The following INTS9 variants were observed in gnomAD, a reference collection of about 807,000 sequenced individuals.
The protein encoded by INTS9 is protein related to CPSF subunits of 74 kDa.
INTS9 carries 55 observed loss-of-function variants against 79.7 expected under a neutral mutation model. That is an observed-to-expected ratio of 0.69 (90% confidence interval 0.56 to 0.86). INTS9 has a LOEUF of 0.86. INTS9 is among the 40% of genes least tolerant of loss of function. INTS9 has a pLI of 0.00. For missense variants in INTS9, 721 were observed against 831.5 expected (o/e 0.87, Z 1.64); for synonymous variants, 319 against 325.2 (o/e 0.98, Z 0.20).
At chr8:28,813,256 G>A (rs940380837) in intron 7 of INTS9, among the ~76,000 whole-genome samples, 3 of 152,100 alleles carry the variant, frequency 2.0e-5, no homozygotes, top group Non-Finnish European at 1.5e-5. Flanking sequence ...AGGATGAGAC[G>A]CCTTTCTCCG....
chr8:28,785,468 C>G (rs1412860346), intron 11 of INTS9, among the ~76,000 whole-genome samples: 1 of 152,206 alleles, frequency 6.6e-6, no homozygotes, highest in Non-Finnish European at 1.5e-5. Context: ...AGTTACCTCA[C>G]TATGGATGCA....
chr8:28,816,832 T>A (rs1198127471), intron 6 of INTS9, among the ~76,000 whole-genome samples: 17 of 152,042 alleles, frequency 1.1e-4, no homozygotes, highest in African/African-American at 4.1e-4. Context: ...CCTGACTTTT[T>A]AATGATTGCC....
intron 1 of INTS9, among the ~76,000 whole-genome samples, chr8:28,861,877 G>C (rs1367579150): frequency 1.3e-5 from 2 of 152,378 alleles, no homozygotes; most frequent in African/African-American, 4.8e-5. Flanking sequence ...TCAGAGCACT[G>C]ACGAAAGGTG....
In INTS9 at chr8:28,781,004, A is replaced by G. The variant is rs771481068; in HGVS notation, c.1099-10T>C. 5 of 1,609,106 alleles carry G rather than the reference A, an allele frequency of 3.1e-6. No homozygotes were observed. The highest frequency in any genetic ancestry group is 1.1e-5 in the South Asian group (1 of 90,832). On this transcript the variant is annotated splice_polypyrimidine_tract_variant and intron_variant, in intron 11 of 16. Coordinates refer to ENST00000521022, the MANE Select transcript of INTS9 (RefSeq NM_018250.4). The stretch of plus-strand genomic sequence containing the variant: ...TATTGGTCTGAATGAGCTGGAAAAT[A>G]TAGAAAAAATACAAAGAAATGTGAG...
In INTS9 at chr8:28,770,974, C is replaced by G. The variant is rs553731347; in HGVS notation, c.1662+8G>C. 6.2e-7 allele frequency: 1 copy of G among 1,610,330 alleles called. No individual in the cohort carries two copies. The highest frequency in any genetic ancestry group is 1.3e-5 in the African/African-American group (1 of 74,946). On this transcript the variant is annotated splice_region_variant and intron_variant, in intron 15 of 16. Coordinates refer to ENST00000521022, the MANE Select transcript of INTS9 (RefSeq NM_018250.4). ...GGGTCCCCTGCACTCCCACCCAGCA[C>G]CCCCTACCTGAAGCAAGTGCTTGTT...
At chr8:28,866,050 T>C (rs1000036494) in intron 1 of INTS9, among the ~76,000 whole-genome samples, 26 of 152,192 alleles carry the variant, frequency 1.7e-4, no homozygotes, top group African/African-American at 6.3e-4. Flanking sequence ...ATTTAGCCAA[T>C]GGGTTAAATA....
At chr8:28,860,926 C>G (rs540164919) in intron 1 of INTS9, among the ~76,000 whole-genome samples, 1 of 152,182 alleles carries the variant, frequency 6.6e-6, no homozygotes, top group African/African-American at 2.4e-5. Context: ...ATGAATTTTC[C>G]ACTTTTCTCC....
rs200884133 is a variant in INTS9, at chr8:28,780,981, T to C, written c.1112A>G (p.Asn371Ser). ...GATGCTGGGGTAGTGCTTCAGCTTATTGGTCTGAATGAGCTGGAAAATATA... is the reference window on the plus strand; with the variant it reads ...GATGCTGGGGTAGTGCTTCAGCTTACTGGTCTGAATGAGCTGGAAAATATA... Reference protein sequence around the residue: ...PFPHAELIQTNKLKHYPSIHG... With the variant: ...PFPHAELIQTSKLKHYPSIHG... Residue 371 changes from asparagine to serine, a missense_variant, in exon 12 of 17, where the codon AAT (asparagine) becomes AGT (serine). By Grantham distance (46) the Asn-to-Ser change is conservative. Around this residue, in one of 3 missense-constraint regions of INTS9, gnomAD observed 149 missense variants for 223.7 expected, o/e 0.67. Transcript: ENST00000521022. 53 of 1,613,780 alleles carry C rather than the reference T, an allele frequency of 3.3e-5. No individual in the cohort carries two copies. In the East Asian group the frequency reaches 1.0e-3, roughly 31 times the overall value.
At chr8:28,854,150 G>A (rs1463716927) in intron 2 of INTS9, among the ~76,000 whole-genome samples, 4 of 152,164 alleles carry the variant, frequency 2.6e-5, no homozygotes, top group Non-Finnish European at 5.9e-5. Context: ...CCGAGCAGCT[G>A]GGACTACAGG....
chr8:28,794,995 A>G (rs966152923), intron 9 of INTS9, among the ~76,000 whole-genome samples: 34 of 152,364 alleles, frequency 2.2e-4, no homozygotes, highest in African/African-American at 8.2e-4. Flanking sequence ...TTATTTTTCT[A>G]AGGTACAAAT....
At chr8:28,847,452 C>T (rs1286127344) in intron 3 of INTS9, among the ~76,000 whole-genome samples, 3 of 151,912 alleles carry the variant, frequency 2.0e-5, no homozygotes, top group Non-Finnish European at 4.4e-5. Flanking sequence ...ACCACCACTA[C>T]CTCCACCACC....
intron 4 of INTS9, among the ~76,000 whole-genome samples, chr8:28,841,333 G>A (rs1337687343): frequency 6.6e-6 from 1 of 152,150 alleles, no homozygotes; most frequent in Non-Finnish European, 1.5e-5. Flanking sequence ...TTAAGACAGG[G>A]TAGCACAGTG....
chr8:28,796,720 GA>G, intron 8 of INTS9, 65 bp from the exon 9 acceptor site: 1 of 972,416 alleles, frequency 1.0e-6, no homozygotes, highest in Non-Finnish European at 1.7e-6. Context: ...AATAGTGAAA[GA>G]ATACGAGAAC....
intron 11 of INTS9, among the ~76,000 whole-genome samples, chr8:28,787,157 T>G (rs903827054): frequency 1.3e-5 from 2 of 150,208 alleles, no homozygotes; most frequent in African/African-American, 5.1e-5. Context: ...AAAACGTTCA[T>G]AATATACCCT....
intron 9 of INTS9, among the ~76,000 whole-genome samples, chr8:28,794,856 G>C (rs549061493): frequency 2.4e-4 from 37 of 152,100 alleles, no homozygotes; most frequent in Non-Finnish European, 1.9e-4. Flanking sequence ...AAGGGAATGC[G>C]GTTAGTGGAC....
chr8:28,788,023 A>G lies in INTS9; in HGVS notation c.1038-134T>C. The G allele has an allele frequency of 9.9e-6, 5 of 506,250 alleles. 1 individual carries two copies. In the South Asian group the frequency reaches 1.6e-4, roughly 16 times the overall value. 31.4% of individuals were successfully genotyped at this position (506,250 alleles called of 1,614,324 possible). A position where few individuals can be genotyped will look rare whatever the true frequency, so the allele number is the denominator to read the frequency against. On this transcript the variant is annotated intron_variant, in intron 10 of 16. Coordinates refer to ENST00000521022, the MANE Select transcript of INTS9 (RefSeq NM_018250.4). Reference sequence around the variant, plus strand: ...TTTCCCGCCAGTGAATTTCACTGTGAATGAAATCCAGTGCCTACAGAGAAG... The same window carrying G: ...TTTCCCGCCAGTGAATTTCACTGTGGATGAAATCCAGTGCCTACAGAGAAG...
At chr8:28,804,537 G>A (rs1269104812) in intron 8 of INTS9, among the ~76,000 whole-genome samples, 4 of 151,930 alleles carry the variant, frequency 2.6e-5, no homozygotes. Context: ...GCCACTCCTT[G>A]CTTGTTCCCT....
intron 8 of INTS9, among the ~76,000 whole-genome samples, chr8:28,807,659 T>C (rs148413828): frequency 6.6e-6 from 1 of 152,340 alleles, no homozygotes; most frequent in African/African-American, 2.4e-5. Context: ...TCAAAAGCAT[T>C]TGATAAGGTA....
At chr8:28,872,942 T>C (rs1809175936) in intron 1 of INTS9, among the ~76,000 whole-genome samples, 1 of 152,130 alleles carries the variant, frequency 6.6e-6, no homozygotes, top group South Asian at 2.1e-4. Flanking sequence ...TATACCATAA[T>C]GACTGATTAT....
Sources: gnomAD v4.1 joint callset for allele counts (sites outside exome capture counted in the v4.1 genomes callset) on GRCh38, gnomAD v4.1.1 for gene constraint, gnomAD v4.1.1 regional missense constraint, MANE v1.5 for transcripts, NCBI Gene and HGNC (gene_info 2026-07-23, HGNC 2026-07-21) for gene names.